The following IPMK variants were observed in gnomAD, a reference collection of about 807,000 sequenced individuals.
IPMK encodes inositol 1,3,4,6-tetrakisphosphate 5-kinase.
Under a neutral mutation model 45.8 loss-of-function variants are expected in IPMK, and 17 were observed. That is an observed-to-expected ratio of 0.37 (90% CI 0.25 to 0.56). The LOEUF (loss-of-function observed/expected upper bound fraction) is 0.56. Ranked by LOEUF, IPMK falls within the 20% of genes least tolerant of loss-of-function variation. The probability of loss-of-function intolerance (pLI) is 0.79; values close to 1 mark genes in which losing one functional copy is unlikely to be tolerated. For synonymous variants in IPMK, 180 were observed against 184.3 expected, an observed-to-expected ratio of 0.98 and a Z score of 0.19; for missense variants, 399 against 498.0, an observed-to-expected ratio of 0.80 and a Z score of 1.89.
intron 1 of IPMK, among the ~76,000 whole-genome samples, chr10:58,244,408 G>A (rs562302210): frequency 1.3e-5 from 2 of 149,056 alleles, no homozygotes; most frequent in East Asian, 4.0e-4. Flanking sequence ...TCTGGGAGGT[G>A]GGGAGCGCCT....
intron 2 of IPMK, among the ~76,000 whole-genome samples, chr10:58,234,729 G>T (rs1838581732): frequency 6.6e-6 from 1 of 152,058 alleles, no homozygotes; most frequent in Admixed American, 6.6e-5. Context: ...GAAAACCTAG[G>T]CAATACCATT....
chr10:58,196,337 G>C lies in IPMK; in HGVS notation c.990C>G (p.His330Gln). 1 of 1,614,130 alleles carries C rather than the reference G, an allele frequency of 6.2e-7. No homozygotes were observed. Among genetic ancestry groups the C allele is most frequent in the Non-Finnish European group, 8.5e-7 (1 of 1,180,002 alleles). ...TTTCAACTTTCAATGAAGTCTGACT[G>C]TGATGCTTTTTTGTATATATTTTCC... ...RHRKIYTKKH[H>Q]SQTSLKVENL... The change falls in exon 6 of 6, where the codon CAC becomes CAG. Residue 330 changes from histidine (H) to glutamine (Q), a missense_variant. Transcript: ENST00000373935.
chr10:58,267,325 G>C (rs896786099), intron 1 of IPMK, 97 bp downstream of exon 1: 3 of 1,199,390 alleles, frequency 2.5e-6, no homozygotes, highest in Non-Finnish European at 3.7e-6. Flanking sequence ...CACCAGGGGG[G>C]CGTCCAGGCA....
intron 3 of IPMK, among the ~76,000 whole-genome samples, chr10:58,222,613 T>C (rs1838354492): frequency 6.6e-6 from 1 of 152,218 alleles, no homozygotes; most frequent in South Asian, 2.1e-4. Flanking sequence ...AAGAGGTAAC[T>C]ATGTTTAGAA....
intron 4 of IPMK, among the ~76,000 whole-genome samples, chr10:58,211,268 T>C (rs1838154954): frequency 6.6e-6 from 1 of 151,308 alleles, no homozygotes; most frequent in Non-Finnish European, 1.5e-5. Context: ...CTCAGCTCAC[T>C]GCAACCTCCA....
chr10:58,201,432 T>G (rs147269705), intron 4 of IPMK, among the ~76,000 whole-genome samples: 1 of 152,200 alleles, frequency 6.6e-6, no homozygotes, highest in African/African-American at 2.4e-5. Context: ...TCTTTGATGT[T>G]ACTCCTGTGA....
At chr10:58,238,995 G>C (rs1357524195) in intron 1 of IPMK, among the ~76,000 whole-genome samples, 1 of 151,998 alleles carries the variant, frequency 6.6e-6, no homozygotes, top group Non-Finnish European at 1.5e-5. Flanking sequence ...ATTTAAAAAA[G>C]AAAATTAGCT....
intron 1 of IPMK, among the ~76,000 whole-genome samples, chr10:58,254,677 G>C (rs1320364887): frequency 3.9e-5 from 6 of 152,156 alleles, no homozygotes; most frequent in Non-Finnish European, 7.3e-5. Context: ...GTTTTTGCAG[G>C]TGTTCCTTAT....
intron 1 of IPMK, among the ~76,000 whole-genome samples, chr10:58,258,797 T>C (rs992981429): frequency 6.6e-6 from 1 of 152,004 alleles, no homozygotes; most frequent in African/African-American, 2.4e-5. Flanking sequence ...ATTTAAGATG[T>C]CAGAAAAAAG....
At chr10:58,216,393 A>G in intron 3 of IPMK, 76 bp from the exon 4 acceptor site, 1 of 628,328 alleles carries the variant, frequency 1.6e-6, no homozygotes. Context: ...GAAAAACAAG[A>G]TGAGAAAATC....
Position 58,196,381 on chromosome 10 carries a change from T to C in IPMK, c.946A>G (p.Lys316Glu). 5.0e-6 allele frequency: 8 copies of C among 1,614,166 alleles called. No individual in the cohort carries two copies. Among genetic ancestry groups the C allele is most frequent in the Non-Finnish European group, 6.8e-6 (8 of 1,180,022 alleles). Residue 316 changes from lysine to glutamate, a missense_variant, in exon 6 of 6, where the codon AAG (lysine) becomes GAG (glutamate). Lys to Glu is a moderately conservative substitution (Grantham distance 56). Coordinates refer to ENST00000373935, the MANE Select transcript of IPMK (RefSeq NM_152230.5). Reference protein sequence around the residue: ...IESSVGKSLSKMYARHRKIYT... With the variant: ...IESSVGKSLSEMYARHRKIYT... The stretch of plus-strand genomic sequence containing the variant: ...ATTTTCCTGTGACGCGCATACATCT[T>C]GGACAAGCTTTTGCCCACTGAAGAC...
At chr10:58,260,737 C>G (rs942595824) in intron 1 of IPMK, among the ~76,000 whole-genome samples, 1 of 151,742 alleles carries the variant, frequency 6.6e-6, no homozygotes, top group Non-Finnish European at 1.5e-5. Context: ...TGTGTAAGAC[C>G]TGTACACTGA....
chr10:58,267,656 A>G lies in IPMK; in HGVS notation c.-45T>C. On this transcript the variant is annotated 5_prime_UTR_variant, in exon 1 of 6. Transcript: ENST00000373935. Reference sequence around the variant, plus strand: ...AACGGCAGCGAGAGTAGGAAAAAAAATAGGGCGAGGGAGGGGGCGCCGGAG... The same window carrying G: ...AACGGCAGCGAGAGTAGGAAAAAAAGTAGGGCGAGGGAGGGGGCGCCGGAG... 7.4e-7 allele frequency: 1 copy of G among 1,343,780 alleles called. No individual in the cohort carries two copies. The highest frequency in any genetic ancestry group is 1.2e-5 in the South Asian group (1 of 80,292). The allele number at this position is 1,343,780 out of a possible 1,614,324, so 83.2% of individuals were successfully genotyped here.
At chr10:58,241,849 G>T (rs995965058) in intron 1 of IPMK, among the ~76,000 whole-genome samples, 5 of 151,796 alleles carry the variant, frequency 3.3e-5, no homozygotes, top group Non-Finnish European at 7.4e-5. Flanking sequence ...AGGGGAGGGG[G>T]GCTTCAACAT....
chr10:58,258,743 G>C (rs901568406), intron 1 of IPMK, among the ~76,000 whole-genome samples: 2 of 152,064 alleles, frequency 1.3e-5, no homozygotes, highest in African/African-American at 4.8e-5. Flanking sequence ...AAAGGGAAAT[G>C]GGCAGTTTTA....
intron 2 of IPMK, among the ~76,000 whole-genome samples, chr10:58,232,361 C>T (rs939558467): frequency 1.1e-4 from 16 of 152,172 alleles, no homozygotes; most frequent in African/African-American, 3.9e-4. Flanking sequence ...ACTCTCCACC[C>T]CAAATTAACA....
At chr10:58,208,495 G>A (rs1838105871) in intron 4 of IPMK, among the ~76,000 whole-genome samples, 1 of 151,884 alleles carries the variant, frequency 6.6e-6, no homozygotes, top group Admixed American at 6.6e-5. Context: ...TTTTTGATTT[G>A]ACTGTTTTTT....
chr10:58,208,946 T>C (rs543613921), intron 4 of IPMK, among the ~76,000 whole-genome samples: 1 of 152,152 alleles, frequency 6.6e-6, no homozygotes, highest in Non-Finnish European at 1.5e-5. Flanking sequence ...TTTATCAGAG[T>C]GAAGAGTGGG....
At chr10:58,244,598 GA>G (rs1490798834) in intron 1 of IPMK, among the ~76,000 whole-genome samples, 1 of 151,062 alleles carries the variant, frequency 6.6e-6, no homozygotes, top group East Asian at 1.9e-4. Flanking sequence ...CGAAAAAAAA[GA>G]AAAGGGGGAA....
Sources: gnomAD v4.1 joint callset for allele counts (sites outside exome capture counted in the v4.1 genomes callset) on GRCh38, gnomAD v4.1.1 for gene constraint, MANE v1.5 for transcripts, NCBI Gene and HGNC (gene_info 2026-07-23, HGNC 2026-07-21) for gene names.